Variants in TMEM223 observed in about 807,000 individuals in gnomAD.
The protein encoded by TMEM223 is transmembrane protein 223.
Under a neutral mutation model 14.1 loss-of-function variants are expected in TMEM223, and 14 were observed. That is an observed-to-expected ratio of 0.99 (90% CI 0.66 to 1.55). The LOEUF (loss-of-function observed/expected upper bound fraction) is 1.55, where lower values mean the gene tolerates loss of function less well. TMEM223 is among the 40% of genes most tolerant of loss of function. TMEM223 has a pLI of 0.00. For missense variants in TMEM223, 346 were observed against 269.9 expected (o/e 1.28, Z -1.97); for synonymous variants, 145 against 120.5 (o/e 1.20, Z -1.33).
At chr11:62,776,917 G>A (rs2084192247) in intron 1 of TMEM223, among the ~76,000 whole-genome samples, 1 of 151,806 alleles carries the variant, frequency 6.6e-6, no homozygotes, top group South Asian at 2.1e-4. Context: ...GGGAGGTGGA[G>A]GCCGGCGGAT....
downstream of TMEM223, chr11:62,786,735 C>T (rs778113124): frequency 6.2e-7 from 1 of 1,613,192 alleles, no homozygotes; most frequent in Non-Finnish European, 8.5e-7. Flanking sequence ...TTTCGGTGAC[C>T]CTGGCCGACA....
At chr11:62,776,228 G>C (rs773207711) in intron 1 of TMEM223, among the ~76,000 whole-genome samples, 15 of 152,170 alleles carry the variant, frequency 9.9e-5, no homozygotes, top group Non-Finnish European at 1.9e-4. Context: ...CACCCGGGGG[G>C]TGTTTTTGTA....
intron 1 of TMEM223, chr11:62,776,063 C>A: frequency 8.3e-7 from 1 of 1,206,238 alleles, no homozygotes; most frequent in Non-Finnish European, 1.1e-6. Flanking sequence ...CATGCCTTTA[C>A]AGAACTCTAC....
chr11:62,789,778 T>C (rs1038103115), downstream of TMEM223: 4 of 1,524,712 alleles, frequency 2.6e-6, 1 homozygote, highest in South Asian at 5.1e-5. Context: ...TGAGAGGAGC[T>C]GAAGGGGTTG....
chr11:62,790,430 C>CG lies in TMEM223; in HGVS notation c.*192dup, dbSNP rs2084346924. 6.8e-6 allele frequency: 4 copies of CG among 587,060 alleles called. No homozygotes were observed. Among genetic ancestry groups the CG allele is most frequent in the East Asian group, 3.0e-5 (1 of 33,256 alleles). 36.4% of individuals were successfully genotyped at this position (587,060 alleles called of 1,614,324 possible). A position where few individuals can be genotyped will look rare whatever the true frequency, so the allele number is the denominator to read the frequency against. Reference sequence around the variant, plus strand: ...GGTTGTTACTCCATTCTAAGATTGGCGTTTTTTTTTGTTTTTTTTTTTGTA... The same window carrying CG: ...GGTTGTTACTCCATTCTAAGATTGGCGGTTTTTTTTTGTTTTTTTTTTTGTA... On this transcript the variant is annotated 3_prime_UTR_variant, in exon 2 of 2. Coordinates refer to ENST00000307366, the MANE Select transcript of TMEM223 (RefSeq NM_001080501.3).
downstream of TMEM223, among the ~76,000 whole-genome samples, chr11:62,785,491 T>C (rs1463018509): frequency 7.2e-6 from 1 of 139,060 alleles, no homozygotes; most frequent in Non-Finnish European, 1.6e-5. Context: ...AGCGCCCGGC[T>C]GGTATTTTCC....
chr11:62,787,432 A>G (rs370259082), downstream of TMEM223: 48 of 1,563,920 alleles, frequency 3.1e-5, no homozygotes, highest in Middle Eastern at 3.4e-4. Flanking sequence ...TCAGGGCGCC[A>G]TGGCGCTGTC....
At chr11:62,784,004 C>T (rs1261532750), downstream of TMEM223, among the ~76,000 whole-genome samples, 1 of 554 alleles carries the variant, frequency 1.8e-3, no homozygotes, top group African/African-American at 7.4e-3. Context: ...CACTCCAGCC[C>T]GGGCGACAGA....
chr11:62,774,533 TC>T (rs1192839474), intron 2 of TMEM223: 6 of 453,676 alleles, frequency 1.3e-5, no homozygotes, highest in African/African-American at 1.2e-4. Flanking sequence ...GGGTGGGTCA[TC>T]CTGGATCTGG....
chr11:62,781,843 T>A lies in TMEM223; in HGVS notation c.315-7178A>T, dbSNP rs1417463194. The A allele has an allele frequency of 2.0e-6, 3 of 1,490,794 alleles. No homozygotes were observed. In the Admixed American group the frequency reaches 5.0e-5, roughly 25 times the overall value. The allele number at this position is 1,490,794 out of a possible 1,614,324, so 92.3% of individuals were successfully genotyped here. A position where few individuals can be genotyped will look rare whatever the true frequency, so the allele number is the denominator to read the frequency against. On this transcript the variant is annotated intron_variant, in intron 1 of 2. Transcript: ENST00000528367. ...GTCTTCCAGAAGAATACCGCATTCA[T>A]GTTTTACAATTTTCTGGTGGATCCA...
chr11:62,779,080 G>A (rs375562800), intron 1 of TMEM223: 16 of 827,164 alleles, frequency 1.9e-5, no homozygotes, highest in Admixed American at 8.8e-5. Context: ...GAGTGCAATG[G>A]CATGATCTCA....
chr11:62,789,936 G>A, downstream of TMEM223: 1 of 1,614,116 alleles, frequency 6.2e-7, no homozygotes, highest in Non-Finnish European at 8.5e-7. Flanking sequence ...TGGTGCTCCA[G>A]GTCGTGCAGT....
rs2084341097 is a variant in TMEM223, at chr11:62,790,078, GACTC to G, written c.*541_*544del. 1 of 1,576,612 alleles carries G rather than the reference GACTC, an allele frequency of 6.3e-7. No individual in the cohort carries two copies. Reference sequence around the variant, plus strand: ...AAGCGGAGTGCTTCCTGCAGCCGAAGACTCCATGCCCAAGTGCCTGTAATCCCCC... The same window carrying G: ...AAGCGGAGTGCTTCCTGCAGCCGAAGCATGCCCAAGTGCCTGTAATCCCCC... On this transcript the variant is annotated 3_prime_UTR_variant, in exon 2 of 2. Transcript: ENST00000307366.
At chr11:62,791,449 G>C (rs1260384768) in intron 1 of TMEM223, among the ~76,000 whole-genome samples, 1 of 152,204 alleles carries the variant, frequency 6.6e-6, no homozygotes, top group Admixed American at 6.5e-5. Flanking sequence ...AGTAGACACA[G>C]GGTTTGACGG....
At chr11:62,785,761 C>G (rs1201662702), downstream of TMEM223, among the ~76,000 whole-genome samples, 8 of 148,874 alleles carry the variant, frequency 5.4e-5, no homozygotes, top group Non-Finnish European at 1.0e-4. Flanking sequence ...TCTTGAACTC[C>G]TGACCTCAGG....
chr11:62,776,125 A>G (rs1030109091), intron 1 of TMEM223, among the ~76,000 whole-genome samples: 2 of 152,170 alleles, frequency 1.3e-5, no homozygotes, highest in Admixed American at 1.3e-4. Context: ...GCATCTTCCC[A>G]TGTGCTCCTC....
At chr11:62,782,098 C>G in intron 1 of TMEM223, 3 of 1,596,556 alleles carry the variant, frequency 1.9e-6, no homozygotes, top group Non-Finnish European at 1.7e-6. Flanking sequence ...GTAAGCTACC[C>G]TCTTCTCCCA....
At chr11:62,782,874 TTAGAAAAA>T, downstream of TMEM223, 2 of 1,602,214 alleles carry the variant, frequency 1.2e-6, no homozygotes, top group Non-Finnish European at 1.7e-6. Flanking sequence ...CCCATTTGTG[TTAGAAAAA>T]TAGTACTTGT....
In TMEM223 at chr11:62,791,986, C is replaced by T. The variant is rs746903242; in HGVS notation, c.9G>A (p.Ala3=). 4 of 1,539,088 alleles carry T rather than the reference C, an allele frequency of 2.6e-6. No homozygotes were observed. Among genetic ancestry groups the T allele is most frequent in the Admixed American group, 2.0e-5 (1 of 51,212 alleles). MA[A]PWRRWPTGLL... is the part of the protein sequence containing the mutation. ...GCCCCGTGGGCCATCGCCTCCAAGG[C>T]GCCGCCATGGCCAGCCGACTTCCGG... Residue 3 remains alanine, a synonymous_variant, in exon 1 of 2, where the codon GCG becomes GCA. Transcript: ENST00000307366.
Sources: allele counts gnomAD v4.1 joint callset (sites outside exome capture counted in the v4.1 genomes callset), GRCh38; gene constraint gnomAD v4.1.1; transcripts MANE v1.5; gene names NCBI Gene and HGNC (gene_info 2026-07-23, HGNC 2026-07-21).